The following GSE1 variants were observed in gnomAD, a reference collection of about 807,000 sequenced individuals.
GSE1 encodes genetic suppressor element 1.
In GSE1, 32 loss-of-function variants were observed where a neutral mutation model predicts 112.6. The observed-to-expected ratio is 0.28, with a 90% CI of 0.21 to 0.38. The LOEUF (loss-of-function observed/expected upper bound fraction) is 0.38, where lower values mean the gene tolerates loss of function less well. Ranked by LOEUF, GSE1 falls within the 10% of genes least tolerant of loss-of-function variation. The pLI, the probability that GSE1 is intolerant of heterozygous loss-of-function variation, is 1.00. For missense variants in GSE1, 2,348 were observed against 1,699.2 expected (o/e 1.38, Z -6.71); for synonymous variants, 1,115 against 735.6 (o/e 1.52, Z -8.35).
At chr16:85,461,815 G>A (rs1373609610) in intron 2 of GSE1, among the ~76,000 whole-genome samples, 4 of 152,024 alleles carry the variant, frequency 2.6e-5, no homozygotes, top group Non-Finnish European at 5.9e-5. Context: ...CCCCGCGGCT[G>A]GGCCCCCTCC....
At chr16:85,672,242 G>A (rs1037363198) in intron 15 of GSE1, 163 bp from the exon 16 acceptor site, 15 of 611,894 alleles carry the variant, frequency 2.5e-5, no homozygotes, top group African/African-American at 1.1e-4. Flanking sequence ...TGATCTGCCC[G>A]CCTCGACCTC....
intron 2 of GSE1, among the ~76,000 whole-genome samples, chr16:85,514,878 G>T (rs1422089717): frequency 6.6e-6 from 1 of 152,184 alleles, no homozygotes; most frequent in Non-Finnish European, 1.5e-5. Flanking sequence ...GCTTGGCAGG[G>T]ATGTGTGTGT....
intron 1 of GSE1, among the ~76,000 whole-genome samples, chr16:85,334,689 G>A (rs2046446195): frequency 6.6e-6 from 1 of 152,160 alleles, no homozygotes; most frequent in African/African-American, 2.4e-5. Context: ...CCCCCTAAAT[G>A]TGGGGGCTCA....
At chr16:85,210,189 A>G (rs565759642) in intron 1 of GSE1, among the ~76,000 whole-genome samples, 1 of 152,244 alleles carries the variant, frequency 6.6e-6, no homozygotes, top group Non-Finnish European at 1.5e-5. Flanking sequence ...AACACTGGCT[A>G]CTTTGACCCA....
chr16:85,639,703 G>A (rs547015200), intron 2 of GSE1, among the ~76,000 whole-genome samples: 3 of 152,242 alleles, frequency 2.0e-5, no homozygotes, highest in South Asian at 2.1e-4. Context: ...GACAGCTGTC[G>A]GGCCTGCCCA....
chr16:85,230,109 C>T (rs1158274921), intron 1 of GSE1, among the ~76,000 whole-genome samples: 1 of 152,348 alleles, frequency 6.6e-6, no homozygotes, highest in African/African-American at 2.4e-5. Flanking sequence ...TGGGTTCTCC[C>T]AGGAGCCCTG....
At chr16:85,294,939 C>T (rs375883459) in intron 1 of GSE1, among the ~76,000 whole-genome samples, 1 of 151,532 alleles carries the variant, frequency 6.6e-6, no homozygotes, top group African/African-American at 2.4e-5. Flanking sequence ...TTTGCAGAGA[C>T]GGGGTCTCAC....
intron 1 of GSE1, among the ~76,000 whole-genome samples, chr16:85,331,661 A>ATG (rs1159802556): frequency 0.025 from 2,123 of 85,350 alleles, 146 homozygotes; most frequent in Middle Eastern, 0.082. Context: ...ATATGTGTAT[A>ATG]TGTGTGTGTG....
At chr16:85,320,667 G>A (rs2046087476) in intron 1 of GSE1, among the ~76,000 whole-genome samples, 2 of 151,850 alleles carry the variant, frequency 1.3e-5, no homozygotes, top group Non-Finnish European at 2.9e-5. Context: ...TTCCAAGACC[G>A]TATTTCAAAA....
intron 1 of GSE1, among the ~76,000 whole-genome samples, chr16:85,268,392 A>T (rs538694729): frequency 6.6e-6 from 1 of 152,194 alleles, no homozygotes; most frequent in South Asian, 2.1e-4. Flanking sequence ...CCCCCCAGTG[A>T]TCCCCTCTGC....
chr16:85,617,004 C>T (rs1159390405), intron 1 of GSE1, among the ~76,000 whole-genome samples: 15 of 152,206 alleles, frequency 9.9e-5, no homozygotes, highest in Non-Finnish European at 1.5e-5. Flanking sequence ...TCCCCACCAG[C>T]CTCTTCTCTC....
intron 2 of GSE1, among the ~76,000 whole-genome samples, chr16:85,497,825 C>A (rs1194539533): frequency 6.6e-6 from 1 of 152,186 alleles, no homozygotes; most frequent in African/African-American, 2.4e-5. Context: ...CAGCCAGCAC[C>A]ATCTCAGCAC....
rs562603414 is a variant in GSE1, at chr16:85,288,354, A to T, written c.2284-69109A>T. 4.6e-5 allele frequency among the ~76,000 whole-genome samples: 7 copies of T among 152,350 alleles called. No homozygotes were observed. In the South Asian group the frequency reaches 1.4e-3, roughly 32 times the overall value. Reference sequence around the variant, plus strand: ...AGTCACTCTGGGGTGCCAGAGCTGGAGGAACTCGTAGGACAATACAGCCAA... The same window carrying T: ...AGTCACTCTGGGGTGCCAGAGCTGGTGGAACTCGTAGGACAATACAGCCAA... On this transcript the variant is annotated intron_variant, in intron 1 of 2. Coordinates refer to the GSE1 transcript ENST00000637419.
At chr16:85,350,030 C>A (rs751990674) in intron 1 of GSE1, among the ~76,000 whole-genome samples, 2 of 152,200 alleles carry the variant, frequency 1.3e-5, no homozygotes, top group East Asian at 3.9e-4. Context: ...TCACTGTGAC[C>A]AGCTGGGTGA....
chr16:85,315,064 T>G lies in GSE1; in HGVS notation c.2284-42399T>G, dbSNP rs1022428810. Among the ~76,000 whole-genome samples, 5 of 152,244 alleles carry G rather than the reference T, an allele frequency of 3.3e-5. No homozygotes were observed. In the East Asian group the frequency reaches 9.6e-4, roughly 29 times the overall value. On this transcript the variant is annotated intron_variant, in intron 1 of 2. Coordinates refer to the GSE1 transcript ENST00000637419. ...ACAAAGCCAAGGCCCAGTGAAGATC[T>G]GTCACTTATTTTAGAAATATTTGGG...
rs1232012044 is a variant in GSE1, at chr16:85,657,504, C to G, written c.1540C>G (p.Gln514Glu). 6.2e-7 allele frequency: 1 copy of G among 1,606,264 alleles called. No individual in the cohort carries two copies. Among genetic ancestry groups the G allele is most frequent in the Non-Finnish European group, 8.5e-7 (1 of 1,176,952 alleles). The part of the protein sequence containing the change: ...LRQEKEDRQS[Q>E]VSEFRQQVLE... ...GCAGGAGAAGGAGGACCGGCAGTCT[C>G]AGGTGTCCGAGTTCCGGCAGCAGGT... is the stretch of plus-strand genomic sequence containing the variant. The change falls in exon 8 of 16, where the codon CAG becomes GAG. Residue 514 changes from glutamine (Q) to glutamate (E), a missense_variant. Gln to Glu is a conservative substitution (Grantham distance 29, BLOSUM62 2). Coordinates refer to ENST00000253458, the MANE Select transcript of GSE1 (RefSeq NM_014615.5).
chr16:85,542,193 A>C (rs1318830302), intron 2 of GSE1, among the ~76,000 whole-genome samples: 1 of 152,186 alleles, frequency 6.6e-6, no homozygotes, highest in Admixed American at 6.5e-5. Context: ...GGATGCGGGG[A>C]GGGTGTGAAC....
At position 85,333,690 on chromosome 16, in the gene GSE1, A is replaced by C. The variant is rs528522214; in HGVS notation, c.2284-23773A>C. Among the ~76,000 whole-genome samples the C allele has an allele frequency of 2.5e-3, 378 of 152,308 alleles. 3 individuals are homozygous for C. The highest frequency in any genetic ancestry group is 4.0e-3 in the Admixed American group (61 of 15,306). ...AGCAAGTCTTTGGAGCTGGGCCGGC[A>C]GGCATGGGGGCCCAAAGAGGGTCCT... On this transcript the variant is annotated intron_variant, in intron 1 of 2. Transcript: ENST00000637419.
chr16:85,446,297 G>C (rs965205838), intron 2 of GSE1, among the ~76,000 whole-genome samples: 8 of 152,340 alleles, frequency 5.3e-5, no homozygotes, highest in African/African-American at 1.9e-4. Flanking sequence ...ACTACCTCAT[G>C]GTCTCTCAGC....
Sources: gnomAD v4.1 joint callset for allele counts (sites outside exome capture counted in the v4.1 genomes callset) on GRCh38, gnomAD v4.1.1 for gene constraint, MANE v1.5 for transcripts, NCBI Gene and HGNC (gene_info 2026-07-23, HGNC 2026-07-21) for gene names.